Variants in BIRC6 observed in about 807,000 individuals in gnomAD.
BIRC6 encodes baculoviral IAP repeat containing 6, also known as dual E2 ubiquitin-conjugating enzyme/E3 ubiquitin-protein ligase BIRC6.
BIRC6 carries 98 observed loss-of-function variants against 503.3 expected under a neutral mutation model. That is an observed-to-expected ratio of 0.19 (90% confidence interval 0.17 to 0.23). BIRC6 has a LOEUF of 0.23. Ranked by LOEUF, BIRC6 falls within the 10% of genes least tolerant of loss-of-function variation. The pLI is 1.00. For missense variants in BIRC6, 5,360 were observed against 5,806.0 expected, an observed-to-expected ratio of 0.92 and a Z score of 2.50; for synonymous variants, 2,240 against 2,078.7, an observed-to-expected ratio of 1.08 and a Z score of -2.11.
chr2:32,396,500 T>C (rs575653225), intron 6 of BIRC6, among the ~76,000 whole-genome samples: 58 of 152,186 alleles, frequency 3.8e-4, no homozygotes, highest in Non-Finnish European at 6.3e-4. Context: ...GAAAATACTG[T>C]ATGAAAAATT....
In BIRC6 at chr2:32,380,277, A is replaced by G. The variant is rs755253228; in HGVS notation, c.632A>G (p.His211Arg). The change falls in exon 3 of 74, where the codon CAC (histidine) becomes CGC (arginine). Residue 211 changes from histidine (H) to arginine (R), a missense_variant. Physicochemically the swap from His to Arg is conservative, Grantham distance 29. Around this residue, in one of 16 missense-constraint regions of BIRC6, gnomAD observed 134 missense variants for 150.9 expected, o/e 0.89. Transcript: ENST00000421745. ...KNTSHETAAN[H>R]KVAKWATVTF... ...ACATCTCATGAGACTGCAGCAAACCACAAAGTTGCTAAGGTAAGAAGTTAA... is the reference window on the plus strand; with the variant it reads ...ACATCTCATGAGACTGCAGCAAACCGCAAAGTTGCTAAGGTAAGAAGTTAA... 1 of 1,600,358 alleles carries G rather than the reference A, an allele frequency of 6.2e-7. No homozygotes were observed. Among genetic ancestry groups the G allele is most frequent in the Admixed American group, 1.8e-5 (1 of 55,484 alleles).
chr2:32,571,632 C>T (rs2059924117), intron 65 of BIRC6, among the ~76,000 whole-genome samples: 1 of 151,598 alleles, frequency 6.6e-6, no homozygotes, highest in South Asian at 2.1e-4. Context: ...TTATTTGGAT[C>T]TTCTCTCTTC....
At chr2:32,445,460 T>C (rs1308112329) in intron 20 of BIRC6, 61 bp from the exon 21 acceptor site, 4 of 1,396,672 alleles carry the variant, frequency 2.9e-6, no homozygotes, top group Non-Finnish European at 3.8e-6. Context: ...TAATCTTAAA[T>C]TCTCATTGTT....
At chr2:32,396,327 T>G (rs1036884186) in intron 6 of BIRC6, among the ~76,000 whole-genome samples, 2 of 152,214 alleles carry the variant, frequency 1.3e-5, no homozygotes, top group African/African-American at 2.4e-5. Flanking sequence ...GAATAAAATT[T>G]GCTGAAGGGC....
intron 44 of BIRC6, among the ~76,000 whole-genome samples, chr2:32,492,769 C>T (rs1313813095): frequency 6.6e-6 from 1 of 151,982 alleles, no homozygotes; most frequent in Non-Finnish European, 1.5e-5. Context: ...ATAGGAAGTT[C>T]TGATACGAAA....
chr2:32,367,085 T>C (rs997108073), intron 1 of BIRC6, among the ~76,000 whole-genome samples: 1 of 152,128 alleles, frequency 6.6e-6, no homozygotes, highest in Admixed American at 6.6e-5. Context: ...GAATATCATA[T>C]AGAGATACAA....
chr2:32,556,421 A>G (rs976058078), intron 65 of BIRC6, among the ~76,000 whole-genome samples: 1 of 152,148 alleles, frequency 6.6e-6, no homozygotes, highest in African/African-American at 2.4e-5. Context: ...CTGCTCACGT[A>G]CCTAATCCTT....
intron 62 of BIRC6, 39 bp downstream of exon 62, chr2:32,543,580 A>G (rs1281345427): frequency 6.3e-7 from 1 of 1,577,146 alleles, no homozygotes; most frequent in South Asian, 1.1e-5. Flanking sequence ...ACATATGTGA[A>G]TAGGTTGTGT....
rs777405739 is a variant in BIRC6, at chr2:32,525,525, G to T, written c.11817G>T (p.Arg3939Ser). ...CACCACCTCGCCCACCATCCAGGAGGGGGAGGACAATACCTGATAAAATAG... is the reference window on the plus strand; with the variant it reads ...CACCACCTCGCCCACCATCCAGGAGTGGGAGGACAATACCTGATAAAATAG... Reference protein sequence around the residue: ...SATPPRPPSRRGRTIPDKIGS... With the variant: ...SATPPRPPSRSGRTIPDKIGS... The change falls in exon 59 of 74, where the codon AGG (arginine) becomes AGT (serine). Residue 3939 changes from arginine (R) to serine (S), a missense_variant. Physicochemically the swap from Arg to Ser is moderately radical, Grantham distance 110. Coordinates refer to ENST00000421745, the MANE Select transcript of BIRC6 (RefSeq NM_016252.4). The T allele has an allele frequency of 2.2e-5, 36 of 1,613,826 alleles. No individual in the cohort carries two copies. Among genetic ancestry groups the T allele is most frequent in the Middle Eastern group, 1.6e-4 (1 of 6,082 alleles).
At chr2:32,589,521 C>T (rs527705868) in intron 66 of BIRC6, among the ~76,000 whole-genome samples, 2 of 152,222 alleles carry the variant, frequency 1.3e-5, no homozygotes, top group East Asian at 3.9e-4. Flanking sequence ...ACTTTGATTT[C>T]TGTTGAAAAA....
intron 6 of BIRC6, 77 bp downstream of exon 6, chr2:32,395,670 T>G: frequency 7.6e-7 from 1 of 1,317,476 alleles, no homozygotes; most frequent in Non-Finnish European, 1.1e-6. Flanking sequence ...CTTTTCTGCT[T>G]ATGATATAAT....
intron 69 of BIRC6, among the ~76,000 whole-genome samples, chr2:32,599,419 C>T (rs1421553642): frequency 6.6e-6 from 1 of 151,656 alleles, no homozygotes; most frequent in African/African-American, 2.4e-5. Context: ...GCAAGCGGAT[C>T]ACTTGAGGCT....
At chr2:32,529,405 C>G in intron 59 of BIRC6, 1 of 365,148 alleles carries the variant, frequency 2.7e-6, no homozygotes, top group Non-Finnish European at 4.9e-6. Flanking sequence ...ATGGAAATGT[C>G]TGTTCCTTTG....
Position 32,465,355 on chromosome 2 carries a change from A to C in BIRC6, c.5356+191A>C, listed in dbSNP as rs139533603. On this transcript the variant is annotated intron_variant, in intron 26 of 73. Transcript: ENST00000421745. ...AAGCTTTGTGCTCACCAAATTGCAT[A>C]AAGAGTGCTGTTGAGTAATGGATTT... 6.9e-4 allele frequency among the ~76,000 whole-genome samples: 104 copies of C among 151,556 alleles called. 1 individual carries two copies. The East Asian group carries it at 0.019, about 27-fold the overall frequency.
intron 1 of BIRC6, among the ~76,000 whole-genome samples, chr2:32,368,614 GA>G (rs2035313023): frequency 6.6e-6 from 1 of 152,094 alleles, no homozygotes; most frequent in South Asian, 2.1e-4. Context: ...AGACTTTAGA[GA>G]AGTTTGTTTA....
intron 65 of BIRC6, among the ~76,000 whole-genome samples, chr2:32,553,831 G>A (rs986258625): frequency 1.3e-5 from 2 of 152,164 alleles, no homozygotes; most frequent in African/African-American, 4.8e-5. Flanking sequence ...TAAGTTTGAT[G>A]CTTTAATAAT....
chr2:32,408,153 A>G (rs1009325020), intron 9 of BIRC6, among the ~76,000 whole-genome samples: 1 of 152,130 alleles, frequency 6.6e-6, no homozygotes, highest in African/African-American at 2.4e-5. Flanking sequence ...TCTTTAGTAG[A>G]GATGGGGTTT....
In BIRC6 at chr2:32,402,640, T is replaced by G. The variant is rs139827594; in HGVS notation, c.1418+1017T>G. ...TGATTAAAGCCTTGTGGTTGTTCTA[T>G]TAATATAAATCTCTGTGAAAGCTTA... On this transcript the variant is annotated intron_variant, in intron 8 of 73. Transcript: ENST00000421745. Among the ~76,000 whole-genome samples, 636 of 152,348 alleles carry G rather than the reference T, an allele frequency of 4.2e-3. 3 individuals carry two copies. Among genetic ancestry groups the G allele is most frequent in the African/African-American group, 0.014 (602 of 41,592 alleles).
chr2:32,551,435 A>C (rs929020157), intron 65 of BIRC6, among the ~76,000 whole-genome samples: 1 of 152,110 alleles, frequency 6.6e-6, no homozygotes, highest in Non-Finnish European at 1.5e-5. Flanking sequence ...GACATACAGC[A>C]GCATGCCCGG....
Sources: allele counts gnomAD v4.1 joint callset (sites outside exome capture counted in the v4.1 genomes callset), GRCh38; gene constraint gnomAD v4.1.1; regional missense constraint gnomAD v4.1.1; transcripts MANE v1.5; gene names NCBI Gene and HGNC (gene_info 2026-07-23, HGNC 2026-07-21).